The following AVPR1A variants were observed in gnomAD, a reference collection of about 807,000 sequenced individuals.
AVPR1A encodes the protein vasopressin V1a receptor.
A neutral mutation model predicts 31.5 loss-of-function variants in AVPR1A; 31 were observed. The ratio of observed to expected loss-of-function variants is 0.99; its 90% CI spans 0.74 to 1.33. AVPR1A has a LOEUF of 1.33. Among genes scored for constraint, AVPR1A ranks in the 40% most tolerant of loss-of-function variants. The probability of loss-of-function intolerance (pLI) is 0.00; values close to 1 mark genes in which losing one functional copy is unlikely to be tolerated. For synonymous variants in AVPR1A, 243 were observed against 233.2 expected (o/e 1.04, Z -0.38); for missense variants, 570 against 575.2 (o/e 0.99, Z 0.09).
rs138241660 is a variant in AVPR1A at position 63,150,369 on chromosome 12, C to T, written c.468G>A (p.Pro156=). Residue 156 remains proline (P), a synonymous_variant, in exon 1 of 2, where the codon CCG becomes CCA. Transcript: ENST00000299178. The surrounding 1 kb of genome is among the most constrained non-coding windows in gnomAD (Gnocchi z 4.9). The part of the protein sequence containing the change: ...TADRYIAVCH[P]LKTLQQPARR... ...GCGCGGGCTGTTGCAGAGTCTTGAGCGGGTGGCACACCGCGATGTAGCGGT... is the reference window on the plus strand; with the variant it reads ...GCGCGGGCTGTTGCAGAGTCTTGAGTGGGTGGCACACCGCGATGTAGCGGT... 6.1e-5 allele frequency: 98 copies of T among 1,613,892 alleles called. No individual in the cohort carries two copies. The African/African-American group carries it at 1.1e-3, about 18-fold the overall frequency.
At chr12:63,149,773 C>T (rs10747984) in intron 1 of AVPR1A, 94 bp downstream of exon 1, 243,109 of 585,498 alleles carry the variant, frequency 0.42, 24,175 homozygotes, top group Middle Eastern at 0.43. Flanking sequence ...TCATTTTTTT[C>T]TCTCTCTCTC....
At position 63,150,119 on chromosome 12, in the gene AVPR1A, A is replaced by G; in HGVS notation, c.718T>C (p.Cys240Arg). The change falls in exon 1 of 2, where the codon TGC becomes CGC. Residue 240 changes from cysteine (C) to arginine (R), a missense_variant. By Grantham distance (180) the Cys-to-Arg change is radical. Coordinates refer to ENST00000299178, the MANE Select transcript of AVPR1A (RefSeq NM_000706.5). The surrounding 1 kb of genome is among the most constrained non-coding windows in gnomAD (Gnocchi z 4.9). ...CGGACGTTGCACCAGATGTTGTAGCAGATGAAGCCGTAGCAGGTACCCAAG... is the reference window on the plus strand; with the variant it reads ...CGGACGTTGCACCAGATGTTGTAGCGGATGAAGCCGTAGCAGGTACCCAAG... The part of the protein sequence containing the change: ...VILGTCYGFI[C>R]YNIWCNVRGK... The G allele has an allele frequency of 6.2e-7, 1 of 1,614,036 alleles. No homozygotes were observed. The highest frequency in any genetic ancestry group is 8.5e-7 in the Non-Finnish European group (1 of 1,180,036).
At chr12:63,149,769 TTTTCTCTCTCTC>T (rs1565878659) in intron 1 of AVPR1A, 86 bp downstream of exon 1, 3 of 1,242,734 alleles carry the variant, frequency 2.4e-6, no homozygotes, top group Non-Finnish European at 2.1e-6. Context: ...ATTCTCATTT[TTTTCTCTCTCTC>T]TCTCTCTCTC....
rs751899146 is a variant in AVPR1A at position 63,147,616 on chromosome 12, C to T, written c.1000G>A (p.Ala334Thr). The T allele has an allele frequency of 4.3e-6, 7 of 1,613,668 alleles. No homozygotes were observed. Among genetic ancestry groups the T allele is most frequent in the African/African-American group, 1.3e-5 (1 of 74,868 alleles). ...CAGCTATTCAAGGAACCCAGTAATGCAGTGATGGTGATGGTAGGGTTTTCC... is the reference window on the plus strand; with the variant it reads ...CAGCTATTCAAGGAACCCAGTAATGTAGTGATGGTGATGGTAGGGTTTTCC... The part of the protein sequence containing the change: ...ESENPTITIT[A>T]LLGSLNSCCN... Residue 334 changes from alanine to threonine, a missense_variant, in exon 2 of 2, where the codon GCA becomes ACA. Physicochemically the swap from Ala to Thr is moderately conservative, Grantham distance 58. Coordinates refer to ENST00000299178, the MANE Select transcript of AVPR1A (RefSeq NM_000706.5).
intron 1 of AVPR1A, among the ~76,000 whole-genome samples, chr12:63,147,963 A>G (rs1427342156): frequency 6.6e-6 from 1 of 152,210 alleles, no homozygotes; most frequent in African/African-American, 2.4e-5. Context: ...TACTCGAACT[A>G]GCATGTGCTA....
intron 1 of AVPR1A, among the ~76,000 whole-genome samples, chr12:63,149,532 T>C (rs1868413377): frequency 6.6e-6 from 1 of 152,186 alleles, no homozygotes; most frequent in Admixed American, 6.5e-5. Flanking sequence ...GTTGCTTGGC[T>C]GACTCTAGGA....
rs774213180 is a variant in AVPR1A at position 63,150,236 on chromosome 12, G to T, written c.601C>A (p.Arg201Ser). Reference sequence around the variant, plus strand: ...TGGATGAAGGTGGCCCAGCAGTCGCGGGCCTTGGTGACATTGTTCACCTCG... The same window carrying T: ...TGGATGAAGGTGGCCCAGCAGTCGCTGGCCTTGGTGACATTGTTCACCTCG... ...MIEVNNVTKARDCWATFIQPW... is the reference protein window; with the variant it reads ...MIEVNNVTKASDCWATFIQPW... Residue 201 changes from arginine (R) to serine (S), a missense_variant, in exon 1 of 2, where the codon CGC becomes AGC. Arg to Ser is a moderately radical substitution (Grantham distance 110, BLOSUM62 -1). Transcript: ENST00000299178. This position sits in a 1 kb window ranked among gnomAD's most constrained non-coding sequence, Gnocchi z 4.9. 4 of 1,613,752 alleles carry T rather than the reference G, an allele frequency of 2.5e-6. No individual in the cohort carries two copies. Among genetic ancestry groups the T allele is most frequent in the Admixed American group, 1.7e-5 (1 of 60,002 alleles).
Position 63,144,196 on chromosome 12 carries a change from T to C in AVPR1A, c.*3163A>G, listed in dbSNP as rs1192702047. ...AGAAATTCTATATGTAAAACAAGTA[T>C]ATAATTAACCCAAGAATTTCACTGA... On this transcript the variant is annotated 3_prime_UTR_variant, in exon 2 of 2. Transcript: ENST00000299178. 6.6e-6 allele frequency: 1 copy of C among 152,208 alleles called. No individual in the cohort carries two copies. The highest frequency in any genetic ancestry group is 1.9e-4 in the East Asian group (1 of 5,198). The allele number at this position is 152,208 out of a possible 1,614,324, so 9.4% of individuals were successfully genotyped here.
At chr12:63,147,673 T>C (rs1342331410) in intron 1 of AVPR1A, 28 bp from the exon 2 acceptor site, 4 of 1,600,598 alleles carry the variant, frequency 2.5e-6, no homozygotes, top group Admixed American at 1.7e-5. Flanking sequence ...AGGGAAATCA[T>C]GTAATGTAAG....
chr12:63,150,464 G>C lies in AVPR1A; in HGVS notation c.373C>G (p.Arg125Gly). Residue 125 changes from arginine (R) to glycine (G), a missense_variant, in exon 1 of 2, where the codon CGC (arginine) becomes GGC (glycine). Physicochemically the swap from Arg to Gly is moderately radical, Grantham distance 125. Transcript: ENST00000299178. The surrounding 1 kb of genome is among the most constrained non-coding windows in gnomAD (Gnocchi z 4.9). ...YRFRGPDWLC[R>G]VVKHLQVFGM... is the part of the protein sequence containing the mutation. ...AACACCTGCAGGTGCTTCACCACGCGGCACAGCCAGTCGGGGCCGCGGAAG... is the reference window on the plus strand; with the variant it reads ...AACACCTGCAGGTGCTTCACCACGCCGCACAGCCAGTCGGGGCCGCGGAAG... 2 of 1,613,454 alleles carry C rather than the reference G, an allele frequency of 1.2e-6. No individual in the cohort carries two copies. Among genetic ancestry groups the C allele is most frequent in the Non-Finnish European group, 8.5e-7 (1 of 1,179,884 alleles).
In AVPR1A at chr12:63,143,244, T is replaced by C. The variant is rs769134249; in HGVS notation, c.*4115A>G. On this transcript the variant is annotated 3_prime_UTR_variant, in exon 2 of 2. Transcript: ENST00000299178. ...ACCATGGAACACAAAAATATTTCAT[T>C]CATTTTATAATACTTTGTTTTAATT... 5.9e-5 allele frequency: 9 copies of C among 152,040 alleles called. No individual in the cohort carries two copies. The highest frequency in any genetic ancestry group is 2.0e-4 in the Admixed American group (3 of 15,252). The allele number at this position is 152,040 out of a possible 1,614,324, so 9.4% of individuals were successfully genotyped here.
Position 63,143,834 on chromosome 12 carries a change from G to C in AVPR1A, c.*3525C>G, listed in dbSNP as rs1868338378. ...ATTAACATGGGTTTGTCTAACCTCT[G>C]ATATTTGGGGTGAAGGATTAGGTTT... On this transcript the variant is annotated 3_prime_UTR_variant, in exon 2 of 2. Transcript: ENST00000299178. 1 of 152,168 alleles carries C rather than the reference G, an allele frequency of 6.6e-6. No individual in the cohort carries two copies. The highest frequency in any genetic ancestry group is 2.1e-4 in the South Asian group (1 of 4,826). 9.4% of individuals were successfully genotyped at this position (152,168 alleles called of 1,614,324 possible). A position where few individuals can be genotyped will look rare whatever the true frequency, so the allele number is the denominator to read the frequency against.
chr12:63,148,609 A>C (rs1014494728), intron 1 of AVPR1A, among the ~76,000 whole-genome samples: 4 of 152,180 alleles, frequency 2.6e-5, no homozygotes, highest in Non-Finnish European at 4.4e-5. Flanking sequence ...CTAAAGCAAT[A>C]ATTAGACTGA....
rs983254253 is a variant in AVPR1A, at chr12:63,143,709, G to T, written c.*3650C>A. ...GGAGGGGGTGGGCAGGGATACAGTG[G>T]CTGCTTCTGCATTTCCAGAACTAGC... On this transcript the variant is annotated 3_prime_UTR_variant, in exon 2 of 2. Coordinates refer to ENST00000299178, the MANE Select transcript of AVPR1A (RefSeq NM_000706.5). 4 of 152,208 alleles carry T rather than the reference G, an allele frequency of 2.6e-5. No homozygotes were observed. The highest frequency in any genetic ancestry group is 5.9e-5 in the Non-Finnish European group (4 of 68,068). The allele number at this position is 152,208 out of a possible 1,614,324, so 9.4% of individuals were successfully genotyped here.
Position 63,150,626 on chromosome 12 carries a change from T to C in AVPR1A, c.211A>G (p.Ser71Gly). ...TFAVAVLGNS[S>G]VLLALHRTPR... ...GTCCGGTGCAGAGCCAGCAGTACGC[T>C]GCTGTTGCCCAGCACGGCCACCGCG... The change falls in exon 1 of 2, where the codon AGC becomes GGC. Residue 71 changes from serine (S) to glycine (G), a missense_variant. By Grantham distance (56) the Ser-to-Gly change is moderately conservative. Coordinates refer to ENST00000299178, the MANE Select transcript of AVPR1A (RefSeq NM_000706.5). This position sits in a 1 kb window ranked among gnomAD's most constrained non-coding sequence, Gnocchi z 4.9. 1.2e-6 allele frequency: 2 copies of C among 1,609,840 alleles called. No homozygotes were observed. The highest frequency in any genetic ancestry group is 1.7e-6 in the Non-Finnish European group (2 of 1,179,898).
chr12:63,149,300 A>G (rs184602262), intron 1 of AVPR1A, among the ~76,000 whole-genome samples: 4 of 152,364 alleles, frequency 2.6e-5, no homozygotes, highest in Admixed American at 2.6e-4. Flanking sequence ...GGAATTACTC[A>G]CCTTCTAAAG....
Position 63,150,813 on chromosome 12 carries a change from G to C in AVPR1A, c.24C>G (p.Asp8Glu). Residue 8 changes from aspartate to glutamate, a missense_variant, in exon 1 of 2, where the codon GAC (aspartate) becomes GAG (glutamate). By Grantham distance (45) the Asp-to-Glu change is conservative (BLOSUM62 2). Transcript: ENST00000299178. This position sits in a 1 kb window ranked among gnomAD's most constrained non-coding sequence, Gnocchi z 4.9. ...GGCTGGAGTTGCCCGAGGGCCCCGCGTCGGGACCGGCGGAGAGACGCATGC... is the reference window on the plus strand; with the variant it reads ...GGCTGGAGTTGCCCGAGGGCCCCGCCTCGGGACCGGCGGAGAGACGCATGC... MRLSAGPDAGPSGNSSPW... is the reference protein window; with the variant it reads MRLSAGPEAGPSGNSSPW... 1 of 1,590,506 alleles carries C rather than the reference G, an allele frequency of 6.3e-7. No individual in the cohort carries two copies. The highest frequency in any genetic ancestry group is 1.1e-5 in the South Asian group (1 of 90,666).
At position 63,150,241 on chromosome 12, in the gene AVPR1A, T is replaced by A; in HGVS notation, c.596A>T (p.Lys199Met). ...GAAGGTGGCCCAGCAGTCGCGGGCC[T>A]TGGTGACATTGTTCACCTCGATCAT... The part of the protein sequence containing the change: ...FSMIEVNNVT[K>M]ARDCWATFIQ... The change falls in exon 1 of 2, where the codon AAG (lysine) becomes ATG (methionine). Residue 199 changes from lysine (K) to methionine (M), a missense_variant. Coordinates refer to ENST00000299178, the MANE Select transcript of AVPR1A (RefSeq NM_000706.5). The surrounding 1 kb of genome is among the most constrained non-coding windows in gnomAD (Gnocchi z 4.9). 1 of 1,613,886 alleles carries A rather than the reference T, an allele frequency of 6.2e-7. No homozygotes were observed. Among genetic ancestry groups the A allele is most frequent in the Non-Finnish European group, 8.5e-7 (1 of 1,180,036 alleles).
At position 63,142,927 on chromosome 12, in the gene AVPR1A, G is replaced by T. The variant is rs1184136175; in HGVS notation, c.*4432C>A. 6.6e-6 allele frequency: 1 copy of T among 151,886 alleles called. No individual in the cohort carries two copies. Among genetic ancestry groups the T allele is most frequent in the Non-Finnish European group, 1.5e-5 (1 of 67,910 alleles). 9.4% of individuals were successfully genotyped at this position (151,886 alleles called of 1,614,324 possible). On this transcript the variant is annotated 3_prime_UTR_variant, in exon 2 of 2. Coordinates refer to ENST00000299178, the MANE Select transcript of AVPR1A (RefSeq NM_000706.5). ...CATTCAAAACAAGAATCATTCAGTT[G>T]CCCCAGGAAAAAACACACTGAAATT...
Sources: allele counts gnomAD v4.1 joint callset (sites outside exome capture counted in the v4.1 genomes callset), GRCh38; gene constraint gnomAD v4.1.1; non-coding constraint Gnocchi (gnomAD v3.1); transcripts MANE v1.5; gene names NCBI Gene and HGNC (gene_info 2026-07-23, HGNC 2026-07-21).